Variants in WWOX observed in about 807,000 individuals in gnomAD.
WWOX encodes the protein WW domain containing oxidoreductase, also known as WW domain-containing oxidoreductase.
A neutral mutation model predicts 46.2 loss-of-function variants in WWOX; 69 were observed. The ratio of observed to expected loss-of-function variants is 1.49; its 90% CI spans 1.23 to 1.82. WWOX has a LOEUF of 1.82. Among genes scored for constraint, WWOX ranks in the 40% most tolerant of loss-of-function variants. The pLI is 0.00. For missense variants in WWOX, 919 were observed against 542.6 expected (o/e 1.69, Z -6.89); for synonymous variants, 359 against 202.6 (o/e 1.77, Z -6.56).
intron 4 of WWOX, among the ~76,000 whole-genome samples, chr16:78,127,742 T>C (rs1190859331): frequency 6.6e-6 from 1 of 152,206 alleles, no homozygotes; most frequent in East Asian, 1.9e-4. Context: ...GTAGAAATGC[T>C]CAACTTTGCT....
At chr16:78,599,019 C>A (rs1179973974) in intron 8 of WWOX, among the ~76,000 whole-genome samples, 2 of 152,230 alleles carry the variant, frequency 1.3e-5, no homozygotes, top group Non-Finnish European at 2.9e-5. Flanking sequence ...ACTGGTTGGA[C>A]CCCTAAGTTT....
chr16:79,023,914 C>T, intron 8 of WWOX, among the ~76,000 whole-genome samples: 1 of 151,900 alleles, frequency 6.6e-6, no homozygotes, highest in African/African-American at 2.4e-5. Flanking sequence ...CAAGATTGTG[C>T]CACTGCACTC....
At chr16:78,580,980 G>C (rs907804008) in intron 8 of WWOX, among the ~76,000 whole-genome samples, 46 of 151,838 alleles carry the variant, frequency 3.0e-4, no homozygotes, top group African/African-American at 1.0e-3. Context: ...CTATTGAAAA[G>C]GAACAACAAA....
In WWOX at chr16:78,761,831, C is replaced by A. The variant is rs79329521; in HGVS notation, c.1056+329079C>A. Among the ~76,000 whole-genome samples, 147 of 152,222 alleles carry A rather than the reference C, an allele frequency of 9.7e-4. 1 individual carries two copies. In the East Asian group the frequency reaches 0.028, roughly 29 times the overall value. On this transcript the variant is annotated intron_variant, in intron 8 of 8. Transcript: ENST00000566780. ...TTAGGAGAGAAATCATGCAGTAAAG[C>A]TGACCCGACATAGACTAACTTAAAA...
At chr16:78,508,548 C>G (rs1037278868) in intron 8 of WWOX, among the ~76,000 whole-genome samples, 13 of 152,084 alleles carry the variant, frequency 8.5e-5, no homozygotes, top group African/African-American at 3.1e-4. Flanking sequence ...GACCTCACAC[C>G]CAGTCCCTAT....
intron 8 of WWOX, among the ~76,000 whole-genome samples, chr16:79,025,209 G>C (rs1237719832): frequency 2.0e-5 from 3 of 152,180 alleles, no homozygotes; most frequent in African/African-American, 7.2e-5. Flanking sequence ...ATGTCACTGA[G>C]GCTGGGGCAG....
intron 8 of WWOX, among the ~76,000 whole-genome samples, chr16:79,160,486 C>T (rs568209420): frequency 1.2e-4 from 19 of 152,184 alleles, no homozygotes; most frequent in Non-Finnish European, 2.1e-4. Flanking sequence ...CAATAAGAGC[C>T]GATCATAGGA....
chr16:78,459,029 A>C (rs568664281), intron 8 of WWOX, among the ~76,000 whole-genome samples: 1 of 152,210 alleles, frequency 6.6e-6, no homozygotes, highest in African/African-American at 2.4e-5. Flanking sequence ...GAGGGATTCT[A>C]TTAGTAAACT....
chr16:79,212,386 G>C lies in WWOX; in HGVS notation c.*590G>C. The stretch of plus-strand genomic sequence containing the variant: ...GGAGTAGAATACGCAGAACTACCAG[G>C]TGGCAAAGTACTTGTCATAGACTCC... On this transcript the variant is annotated 3_prime_UTR_variant, in exon 9 of 9. Transcript: ENST00000566780. The C allele has an allele frequency of 4.2e-6, 2 of 479,422 alleles. No individual in the cohort carries two copies. Among genetic ancestry groups the C allele is most frequent in the Non-Finnish European group, 7.3e-6 (2 of 274,764 alleles). The allele number at this position is 479,422 out of a possible 1,614,324, so 29.7% of individuals were successfully genotyped here. A position where few individuals can be genotyped will look rare whatever the true frequency, so the allele number is the denominator to read the frequency against.
rs2044786199 is a variant in WWOX at position 78,574,078 on chromosome 16, T to C, written c.1056+141326T>C. Among the ~76,000 whole-genome samples, 4 of 152,332 alleles carry C rather than the reference T, an allele frequency of 2.6e-5. No homozygotes were observed. In the South Asian group the frequency reaches 8.3e-4, roughly 32 times the overall value. ...TTGTAGCTTTTTGACTCGGCCTGGCTTCTTGCTGACTGTTGGCTGTTGGCT... is the reference window on the plus strand; with the variant it reads ...TTGTAGCTTTTTGACTCGGCCTGGCCTCTTGCTGACTGTTGGCTGTTGGCT... On this transcript the variant is annotated intron_variant, in intron 8 of 8. Coordinates refer to ENST00000566780, the MANE Select transcript of WWOX (RefSeq NM_016373.4).
intron 5 of WWOX, among the ~76,000 whole-genome samples, chr16:78,214,404 G>A (rs80138634): frequency 0.059 from 8,965 of 152,186 alleles, 354 homozygotes; most frequent in Middle Eastern, 0.11. Flanking sequence ...AAACCACCAA[G>A]CAACAGTGGC....
At chr16:78,286,385 C>G (rs564637931) in intron 5 of WWOX, among the ~76,000 whole-genome samples, 7 of 152,288 alleles carry the variant, frequency 4.6e-5, no homozygotes, top group East Asian at 3.9e-4. Flanking sequence ...GTTGTCCCCC[C>G]CTTTTACTTT....
intron 4 of WWOX, among the ~76,000 whole-genome samples, chr16:78,153,782 A>G (rs746110143): frequency 3.9e-5 from 6 of 152,174 alleles, no homozygotes; most frequent in African/African-American, 7.2e-5. Flanking sequence ...GATAATTAAA[A>G]CCATAATTTA....
At chr16:78,854,666 C>T (rs1206580770) in intron 8 of WWOX, among the ~76,000 whole-genome samples, 3 of 152,260 alleles carry the variant, frequency 2.0e-5, no homozygotes, top group East Asian at 3.9e-4. Flanking sequence ...CTGCAACCTC[C>T]GCCTCCCGGG....
chr16:78,430,500 G>A (rs1221682176), intron 7 of WWOX, among the ~76,000 whole-genome samples: 1 of 152,060 alleles, frequency 6.6e-6, no homozygotes, highest in South Asian at 2.1e-4. Context: ...GTCCACTGGG[G>A]CATTCTTCAT....
In WWOX at chr16:78,261,407, AAAAT is replaced by A. The variant is rs140119556; in HGVS notation, c.516+97144_516+97147del. On this transcript the variant is annotated intron_variant, in intron 5 of 8. Transcript: ENST00000566780. ...GCGACAGAGCAAGACCCTGTCTCTA[AAAAT>A]AAATAAATAAATAAATAAATAAATA... Among the ~76,000 whole-genome samples, 103 of 146,146 alleles carry A rather than the reference AAAAT, an allele frequency of 7.0e-4. 1 individual carries two copies. The East Asian group carries it at 0.016, about 23-fold the overall frequency.
intron 5 of WWOX, among the ~76,000 whole-genome samples, chr16:78,309,257 G>A (rs965692849): frequency 2.6e-5 from 4 of 152,174 alleles, no homozygotes; most frequent in African/African-American, 7.2e-5. Flanking sequence ...ATAAATAAGT[G>A]TTTGGTAGTT....
rs543557259 is a variant in WWOX, at chr16:78,888,372, C to T, written c.1057-323236C>T. ...ATCCCAGGTACCTGCCCAGAGGCAG[C>T]TCCCTTGGCCCTTGGGTCCCTGTTG... is the stretch of plus-strand genomic sequence containing the variant. On this transcript the variant is annotated intron_variant, in intron 8 of 8. Transcript: ENST00000566780. Among the ~76,000 whole-genome samples the T allele has an allele frequency of 1.6e-3, 245 of 152,296 alleles. 1 individual carries two copies. Among genetic ancestry groups the T allele is most frequent in the Non-Finnish European group, 2.9e-3 (196 of 68,024 alleles).
chr16:79,128,888 T>C (rs1290241613), intron 8 of WWOX, among the ~76,000 whole-genome samples: 1 of 152,142 alleles, frequency 6.6e-6, no homozygotes, highest in African/African-American at 2.4e-5. Flanking sequence ...AAGGCCTGAC[T>C]GGTGTCACGA....
Sources: allele counts gnomAD v4.1 joint callset (sites outside exome capture counted in the v4.1 genomes callset), GRCh38; gene constraint gnomAD v4.1.1; transcripts MANE v1.5; gene names NCBI Gene and HGNC (gene_info 2026-07-23, HGNC 2026-07-21).